The following MEGF10 variants were observed in gnomAD, a reference collection of about 807,000 sequenced individuals.
The protein encoded by MEGF10 is multiple EGF like domains 10.
MEGF10 carries 86 observed loss-of-function variants against 147.5 expected under a neutral mutation model. That is an observed-to-expected ratio of 0.58 (90% confidence interval 0.49 to 0.70). The LOEUF is 0.70. Ranked by LOEUF, MEGF10 falls within the 30% of genes least tolerant of loss-of-function variation. The pLI is 0.00. For missense variants in MEGF10, 1,329 were observed against 1,487.3 expected, an observed-to-expected ratio of 0.89 and a Z score of 1.75; for synonymous variants, 478 against 525.5, an observed-to-expected ratio of 0.91 and a Z score of 1.24.
At chr5:127,318,649 A>G (rs1037041732) in intron 1 of MEGF10, among the ~76,000 whole-genome samples, 3 of 152,202 alleles carry the variant, frequency 2.0e-5, no homozygotes, top group Admixed American at 6.5e-5. Context: ...CTTGCCATTG[A>G]AAAATTGACT....
intron 19 of MEGF10, chr5:127,444,703 G>T (rs78198917): frequency 0.1 from 15,342 of 152,186 alleles, 922 homozygotes; most frequent in Non-Finnish European, 0.13. Flanking sequence ...TAATGAGTAA[G>T]GTATTAGGGT....
the MEGF10 span, among the ~76,000 whole-genome samples, chr5:127,261,725 T>C: frequency 1.1e-4 from 17 of 152,172 alleles, no homozygotes; most frequent in Non-Finnish European, 2.5e-4. Context: ...CAGCAATATA[T>C]GAAGGTTCCA....
intron 13 of MEGF10, among the ~76,000 whole-genome samples, chr5:127,428,239 A>G (rs1327142679): frequency 6.9e-6 from 1 of 145,622 alleles, no homozygotes; most frequent in Non-Finnish European, 1.5e-5. Flanking sequence ...GTTGAACTAT[A>G]TAAAGCAGAT....
At chr5:127,391,099 C>CGCGCGT (rs1763658945) in intron 5 of MEGF10, among the ~76,000 whole-genome samples, 1 of 30,788 alleles carries the variant, frequency 3.2e-5, no homozygotes, top group Non-Finnish European at 1.2e-4. Flanking sequence ...CGCGCGCGCG[C>CGCGCGT]GCGCACACAC....
At chr5:127,419,288 T>C in intron 11 of MEGF10, 48 bp downstream of exon 11, 1 of 1,572,510 alleles carries the variant, frequency 6.4e-7, no homozygotes, top group South Asian at 1.2e-5. Context: ...TCACGTTATC[T>C]CCTAAAGACA....
At chr5:127,446,219 G>T (rs1018200444) in intron 20 of MEGF10, among the ~76,000 whole-genome samples, 8 of 152,100 alleles carry the variant, frequency 5.3e-5, no homozygotes, top group Non-Finnish European at 1.0e-4. Flanking sequence ...GATTTTTTCT[G>T]TTCTGTCACA....
At chr5:127,265,018 T>C in the MEGF10 span, among the ~76,000 whole-genome samples, 2 of 152,266 alleles carry the variant, frequency 1.3e-5, no homozygotes, top group African/African-American at 2.4e-5. Context: ...GCTGCACCTA[T>C]TAACTTGTCA....
chr5:127,319,007 C>T (rs1760681495), intron 1 of MEGF10, among the ~76,000 whole-genome samples: 1 of 151,812 alleles, frequency 6.6e-6, no homozygotes, highest in African/African-American at 2.4e-5. Flanking sequence ...CCTTTTCTTT[C>T]CTTCTCTCTT....
chr5:127,232,545 T>C, the MEGF10 span, among the ~76,000 whole-genome samples: 1 of 152,190 alleles, frequency 6.6e-6, no homozygotes, highest in African/African-American at 2.4e-5. Flanking sequence ...AAACAGTCAC[T>C]GTCTTTAGGA....
intron 12 of MEGF10, 38 bp from the exon 13 acceptor site, chr5:127,422,632 G>C (rs765867711): frequency 6.5e-6 from 10 of 1,530,332 alleles, no homozygotes; most frequent in Non-Finnish European, 8.2e-6. Context: ...GGATTTCCCA[G>C]GCCCTCATTG....
At chr5:127,237,490 T>C in the MEGF10 span, among the ~76,000 whole-genome samples, 2 of 151,908 alleles carry the variant, frequency 1.3e-5, no homozygotes, top group Non-Finnish European at 2.9e-5. Context: ...AGACTCTGTC[T>C]CCAAAAAAAT....
At chr5:127,261,462 C>T in the MEGF10 span, among the ~76,000 whole-genome samples, 1 of 152,154 alleles carries the variant, frequency 6.6e-6, no homozygotes, top group Admixed American at 6.5e-5. Flanking sequence ...GGTCTGATTA[C>T]TAAATATATT....
intron 5 of MEGF10, among the ~76,000 whole-genome samples, chr5:127,390,798 T>A (rs976265733): frequency 7.2e-5 from 11 of 152,100 alleles, no homozygotes; most frequent in African/African-American, 2.7e-4. Flanking sequence ...CTTATAGCTT[T>A]GGAGAGAGTG....
At chr5:127,374,803 T>TA (rs1476994154) in intron 5 of MEGF10, among the ~76,000 whole-genome samples, 1 of 152,150 alleles carries the variant, frequency 6.6e-6, no homozygotes, top group Admixed American at 6.5e-5. Flanking sequence ...TAAGAGCTAT[T>TA]AAAAATGTCT....
chr5:127,315,799 C>T (rs1018703020), intron 1 of MEGF10, among the ~76,000 whole-genome samples: 10 of 151,984 alleles, frequency 6.6e-5, no homozygotes, highest in African/African-American at 1.7e-4. Context: ...AACAAAATAA[C>T]CCTTTTTCTT....
At chr5:127,359,886 G>C (rs140857887) in intron 4 of MEGF10, among the ~76,000 whole-genome samples, 1,644 of 152,114 alleles carry the variant, frequency 0.011, 32 homozygotes, top group African/African-American at 0.038. Context: ...TTTCTCTTGG[G>C]TAATACCTGG....
intron 4 of MEGF10, among the ~76,000 whole-genome samples, chr5:127,354,671 C>G (rs1438910027): frequency 1.3e-5 from 2 of 152,204 alleles, no homozygotes; most frequent in African/African-American, 4.8e-5. Context: ...GCTCCTGAAT[C>G]ACACACCTGG....
chr5:127,415,167 A>T (rs1201592270), intron 9 of MEGF10, among the ~76,000 whole-genome samples: 1 of 152,180 alleles, frequency 6.6e-6, no homozygotes, highest in Non-Finnish European at 1.5e-5. Context: ...GAGGTTGAGG[A>T]GTAGGCAGTG....
intron 5 of MEGF10, among the ~76,000 whole-genome samples, chr5:127,371,911 G>A (rs944442284): frequency 2.6e-5 from 4 of 152,096 alleles, no homozygotes; most frequent in Non-Finnish European, 5.9e-5. Context: ...ATGTTTAAAG[G>A]TGTTCTGAGA....
Sources: allele counts gnomAD v4.1 joint callset (sites outside exome capture counted in the v4.1 genomes callset), GRCh38; gene constraint gnomAD v4.1.1; transcripts MANE v1.5; gene names NCBI Gene and HGNC (gene_info 2026-07-23, HGNC 2026-07-21).